Variants in BLVRA observed in about 807,000 individuals in gnomAD.
The protein encoded by BLVRA is BVR A.
In BLVRA, 22 loss-of-function variants were observed where a neutral mutation model predicts 32.8. The ratio of observed to expected loss-of-function variants is 0.67; its 90% confidence interval spans 0.48 to 0.96. The LOEUF (loss-of-function observed/expected upper bound fraction) is 0.96. Among genes scored for constraint, BLVRA ranks in the 40% least tolerant of loss-of-function variants. The pLI is 0.00. For synonymous variants in BLVRA, 119 were observed against 141.3 expected (o/e 0.84, Z 1.12); for missense variants, 323 against 358.1 (o/e 0.90, Z 0.79).
intron 2 of BLVRA, among the ~76,000 whole-genome samples, chr7:43,782,654 G>A (rs1349106928): frequency 6.6e-6 from 1 of 152,010 alleles, no homozygotes; most frequent in Non-Finnish European, 1.5e-5. Context: ...CATATTCTGG[G>A]GACATGGGAG....
At chr7:43,804,212 G>C in intron 7 of BLVRA, among the ~76,000 whole-genome samples, 1 of 152,214 alleles carries the variant, frequency 6.6e-6, no homozygotes, top group Non-Finnish European at 1.5e-5. Context: ...GAGGCCAAGG[G>C]TGGTGGATCA....
intron 7 of BLVRA, among the ~76,000 whole-genome samples, chr7:43,806,567 C>A (rs2095804216): frequency 1.3e-5 from 2 of 151,802 alleles, no homozygotes; most frequent in Admixed American, 1.3e-4. Flanking sequence ...CATGGCAAAA[C>A]CCCATTTCTA....
chr7:43,799,151 C>T (rs1424965329), intron 5 of BLVRA, among the ~76,000 whole-genome samples: 1 of 152,148 alleles, frequency 6.6e-6, no homozygotes, highest in Admixed American at 6.5e-5. Context: ...TGGGAAGGAC[C>T]CCATCCTCCC....
intron 1 of BLVRA, among the ~76,000 whole-genome samples, chr7:43,770,167 A>T (rs1029033253): frequency 1.3e-5 from 2 of 152,168 alleles, no homozygotes; most frequent in African/African-American, 4.8e-5. Context: ...GGTCATCGTC[A>T]TCGGCTTCCT....
chr7:43,786,718 A>G (rs1433113810), intron 2 of BLVRA, among the ~76,000 whole-genome samples: 1 of 152,234 alleles, frequency 6.6e-6, no homozygotes, highest in Admixed American at 6.5e-5. Context: ...GAAATCAATA[A>G]TAGAAAAACA....
intron 1 of BLVRA, chr7:43,767,604 A>T (rs2095749666): frequency 1.1e-6 from 1 of 893,978 alleles, no homozygotes; most frequent in Admixed American, 1.8e-5. Flanking sequence ...GATTAAAGTG[A>T]ACATCACCTT....
intron 5 of BLVRA, among the ~76,000 whole-genome samples, chr7:43,793,618 CT>C (rs35816005): frequency 0.013 from 1,736 of 135,490 alleles, 9 homozygotes; most frequent in Admixed American, 0.016. Context: ...TCTTTTACAA[CT>C]TTTTTTTTTT....
intron 2 of BLVRA, among the ~76,000 whole-genome samples, chr7:43,784,072 A>T (rs1232613620): frequency 1.3e-5 from 2 of 152,090 alleles, no homozygotes; most frequent in Non-Finnish European, 2.9e-5. Context: ...GCGCAAGCTC[A>T]CTCTGTGACT....
Position 43,800,535 on chromosome 7 carries a change from G to A in BLVRA, c.423G>A (p.Val141=). 1 of 1,614,030 alleles carries A rather than the reference G, an allele frequency of 6.2e-7. No homozygotes were observed. Among genetic ancestry groups the A allele is most frequent in the Non-Finnish European group, 8.5e-7 (1 of 1,179,910 alleles). The stretch of plus-strand genomic sequence containing the variant: ...TCGCTTTCCTGAAAAAAGAAGTGGT[G>A]GGGAAAGACCTGCTGAAAGGGTCGC... ...EEFAFLKKEV[V]GKDLLKGSLL... Residue 141 remains valine (V), a synonymous_variant, in exon 6 of 8, where the codon GTG becomes GTA. Transcript: ENST00000265523.
chr7:43,775,386 T>A (rs890670123), intron 2 of BLVRA, among the ~76,000 whole-genome samples: 10 of 152,234 alleles, frequency 6.6e-5, no homozygotes, highest in African/African-American at 2.4e-4. Context: ...TTTCTGCATC[T>A]ATTGAGATAA....
intron 1 of BLVRA, among the ~76,000 whole-genome samples, chr7:43,760,745 A>G (rs34027937): frequency 0.14 from 21,188 of 147,260 alleles, 2,058 homozygotes; most frequent in Non-Finnish European, 0.21. Context: ...AGGGGAGCTT[A>G]GTTCCTGACA....
At position 43,792,836 on chromosome 7, in the gene BLVRA, C is replaced by G. The variant is rs549854935; in HGVS notation, c.352+24C>G. ...AGGTAATGTATCTTACCAAGAGTTTCTGCCTCCAGGATTTCTGTGATATCA... is the reference window on the plus strand; with the variant it reads ...AGGTAATGTATCTTACCAAGAGTTTGTGCCTCCAGGATTTCTGTGATATCA... On this transcript the variant is annotated intron_variant, in intron 5 of 7. Coordinates refer to ENST00000265523, the MANE Select transcript of BLVRA (RefSeq NM_000712.4). The G allele has an allele frequency of 3.1e-6, 5 of 1,606,650 alleles. No individual in the cohort carries two copies. The East Asian group carries it at 1.1e-4, about 36-fold the overall frequency.
At chr7:43,759,988 A>ATTTTTTTTTTTT (rs57266558) in intron 1 of BLVRA, 1 of 122,010 alleles carries the variant, frequency 8.2e-6, no homozygotes, top group Non-Finnish European at 1.6e-5. Context: ...TTCATATGTA[A>ATTTTTTTTTTTT]TTTTTTTTTT....
intron 6 of BLVRA, among the ~76,000 whole-genome samples, chr7:43,802,348 C>G (rs2095799545): frequency 6.6e-6 from 1 of 152,072 alleles, no homozygotes; most frequent in African/African-American, 2.4e-5. Flanking sequence ...AAGTGAATAT[C>G]AAGGTCATAA....
In BLVRA at chr7:43,767,353, T is replaced by A. The variant is rs2095749370; in HGVS notation, c.-21-3785T>A. 38 of 1,596,874 alleles carry A rather than the reference T, an allele frequency of 2.4e-5. No homozygotes were observed. The South Asian group carries it at 4.1e-4, about 17-fold the overall frequency. Reference sequence around the variant, plus strand: ...GCCTCCTAAGTTCGGAAAAGAAAGCTCATTAGCATCTACACTGAAGACGCT... The same window carrying A: ...GCCTCCTAAGTTCGGAAAAGAAAGCACATTAGCATCTACACTGAAGACGCT... On this transcript the variant is annotated intron_variant, in intron 1 of 7. Coordinates refer to ENST00000265523, the MANE Select transcript of BLVRA (RefSeq NM_000712.4).
At chr7:43,789,967 C>T (rs991193083) in intron 3 of BLVRA, among the ~76,000 whole-genome samples, 7 of 152,176 alleles carry the variant, frequency 4.6e-5, no homozygotes, top group Non-Finnish European at 7.4e-5. Flanking sequence ...CATGATTTCT[C>T]CTACAGCGCC....
At chr7:43,788,988 T>C (rs2095781987) in intron 3 of BLVRA, among the ~76,000 whole-genome samples, 1 of 151,934 alleles carries the variant, frequency 6.6e-6, no homozygotes, top group Admixed American at 6.6e-5. Context: ...ATCAAACTTA[T>C]CACCTTGTTT....
At chr7:43,791,639 G>T (rs1007379190) in intron 4 of BLVRA, 6 of 407,092 alleles carry the variant, frequency 1.5e-5, no homozygotes, top group South Asian at 2.4e-5. Context: ...TTATTTCTCT[G>T]TAAAAACCCA....
chr7:43,780,483 C>T (rs2095767699), intron 2 of BLVRA, among the ~76,000 whole-genome samples: 1 of 152,152 alleles, frequency 6.6e-6, no homozygotes, highest in African/African-American at 2.4e-5. Context: ...TAAGTGGGAC[C>T]ACCATATCTT....
Sources: allele counts gnomAD v4.1 joint callset (sites outside exome capture counted in the v4.1 genomes callset), GRCh38; gene constraint gnomAD v4.1.1; transcripts MANE v1.5; gene names NCBI Gene and HGNC (gene_info 2026-07-23, HGNC 2026-07-21).